Variants in FUT8 observed in about 807,000 individuals in gnomAD.
FUT8 encodes the protein fucosyltransferase 8, also known as alpha-(1,6)-fucosyltransferase.
A neutral mutation model predicts 71.3 loss-of-function variants in FUT8; 29 were observed. The ratio of observed to expected loss-of-function variants is 0.41; its 90% CI spans 0.30 to 0.55. The LOEUF is 0.55. Among genes scored for constraint, FUT8 ranks in the 20% least tolerant of loss-of-function variants. The pLI is 0.34. For missense variants in FUT8, 544 were observed against 702.1 expected, an observed-to-expected ratio of 0.77 and a Z score of 2.55; for synonymous variants, 254 against 239.3, an observed-to-expected ratio of 1.06 and a Z score of -0.57.
intron 7 of FUT8, among the ~76,000 whole-genome samples, chr14:65,688,421 C>A (rs900157167): frequency 7.2e-6 from 1 of 139,678 alleles, no homozygotes; most frequent in South Asian, 2.2e-4. Context: ...CAGCTCATTT[C>A]TTTTTATTGC....
In FUT8 at chr14:65,742,073, C is replaced by A. The variant is rs770727876; in HGVS notation, c.1411-20C>A. On this transcript the variant is annotated intron_variant, in intron 10 of 10. Coordinates refer to ENST00000673929, the MANE Select transcript of FUT8 (RefSeq NM_001371533.1). The stretch of plus-strand genomic sequence containing the variant: ...GAGAGTGTTTATATACTAACAATTT[C>A]TTTTAAATTCTTTCCCAAGGTCTGT... 2 of 1,599,044 alleles carry A rather than the reference C, an allele frequency of 1.3e-6. No homozygotes were observed. The highest frequency in any genetic ancestry group is 3.4e-5 in the Admixed American group (2 of 58,954).
At chr14:65,692,459 A>ACT (rs1893693721) in intron 7 of FUT8, among the ~76,000 whole-genome samples, 2 of 59,232 alleles carry the variant, frequency 3.4e-5, no homozygotes, top group Admixed American at 3.5e-4. Context: ...CGGGGGGCTG[A>ACT]CCCCCCCACC....
At chr14:65,481,998 A>C (rs1032257281) in intron 2 of FUT8, among the ~76,000 whole-genome samples, 2 of 152,224 alleles carry the variant, frequency 1.3e-5, no homozygotes, top group African/African-American at 4.8e-5. Flanking sequence ...TTGTTCTCAT[A>C]TGGATTGTGT....
intron 2 of FUT8, among the ~76,000 whole-genome samples, chr14:65,526,419 A>G (rs183708204): frequency 3.8e-4 from 58 of 152,200 alleles, no homozygotes; most frequent in African/African-American, 1.3e-3. Context: ...TGCTTGGTAG[A>G]TCTTCCTCCA....
intron 7 of FUT8, among the ~76,000 whole-genome samples, chr14:65,710,894 G>C (rs1034187825): frequency 3.3e-5 from 5 of 152,202 alleles, no homozygotes; most frequent in Non-Finnish European, 7.3e-5. Flanking sequence ...ACTCATGGCA[G>C]ATGGTGAAGG....
chr14:65,488,150 G>A (rs1332930891), intron 2 of FUT8, among the ~76,000 whole-genome samples: 1 of 152,112 alleles, frequency 6.6e-6, no homozygotes, highest in Admixed American at 6.6e-5. Flanking sequence ...CTGTTATGTA[G>A]GTGCTCTGTA....
intron 3 of FUT8, among the ~76,000 whole-genome samples, chr14:65,576,478 A>G (rs540862620): frequency 2.1e-4 from 32 of 152,076 alleles, no homozygotes; most frequent in African/African-American, 7.5e-4. Context: ...CCAAATAGTA[A>G]TATTATTCTT....
chr14:65,731,061 A>G (rs1381613585), intron 9 of FUT8, among the ~76,000 whole-genome samples: 1 of 152,250 alleles, frequency 6.6e-6, no homozygotes, highest in African/African-American at 2.4e-5. Flanking sequence ...GAAACAAAGA[A>G]TCAGCAATGA....
At chr14:65,608,483 T>G (rs1297889950) in intron 3 of FUT8, among the ~76,000 whole-genome samples, 2 of 151,998 alleles carry the variant, frequency 1.3e-5, no homozygotes, top group Non-Finnish European at 2.9e-5. Flanking sequence ...TTTTTCATAT[T>G]CTGATTGCAA....
intron 7 of FUT8, among the ~76,000 whole-genome samples, chr14:65,703,864 G>A (rs1361190406): frequency 1.3e-5 from 2 of 152,216 alleles, no homozygotes; most frequent in Non-Finnish European, 2.9e-5. Flanking sequence ...CTTTAGCTAT[G>A]CAATACTAAA....
chr14:65,360,106 C>T, the FUT8 span, among the ~76,000 whole-genome samples: 1 of 152,198 alleles, frequency 6.6e-6, no homozygotes, highest in East Asian at 1.9e-4. Context: ...GCTGGGATTA[C>T]AGGCATGAGC....
chr14:65,421,681 T>G (rs1402241759), intron 1 of FUT8, among the ~76,000 whole-genome samples: 1 of 151,858 alleles, frequency 6.6e-6, no homozygotes, highest in East Asian at 1.9e-4. Flanking sequence ...AAATTCCTCT[T>G]GTGTGATGTC....
chr14:65,675,851 G>A (rs997012878), intron 7 of FUT8, among the ~76,000 whole-genome samples: 1 of 149,934 alleles, frequency 6.7e-6, no homozygotes, highest in East Asian at 1.9e-4. Context: ...AAAAAAATCA[G>A]CCTGGCGTGG....
At chr14:65,633,527 G>A (rs1890334988) in intron 6 of FUT8, among the ~76,000 whole-genome samples, 1 of 150,308 alleles carries the variant, frequency 6.7e-6, no homozygotes, top group Non-Finnish European at 1.5e-5. Flanking sequence ...TCCCATCTAG[G>A]AAGTGAGGAG....
At chr14:65,553,654 C>T (rs547581134) in intron 2 of FUT8, among the ~76,000 whole-genome samples, 1 of 148,974 alleles carries the variant, frequency 6.7e-6, no homozygotes, top group Admixed American at 6.8e-5. Flanking sequence ...CTTTATTTGC[C>T]TTTGTTTTGC....
At chr14:65,707,941 C>T (rs1328632782) in intron 7 of FUT8, among the ~76,000 whole-genome samples, 1 of 152,118 alleles carries the variant, frequency 6.6e-6, no homozygotes, top group East Asian at 1.9e-4. Context: ...ATTGCCTTGA[C>T]TATTTGGGTT....
intron 1 of FUT8, among the ~76,000 whole-genome samples, chr14:65,441,279 A>G (rs2065650979): frequency 6.6e-6 from 1 of 152,188 alleles, no homozygotes; most frequent in Non-Finnish European, 1.5e-5. Context: ...TGAAATACAG[A>G]TGTCAGTTTA....
At chr14:65,441,639 G>A (rs2065657121) in intron 1 of FUT8, among the ~76,000 whole-genome samples, 2 of 150,902 alleles carry the variant, frequency 1.3e-5, no homozygotes, top group South Asian at 4.2e-4. Flanking sequence ...TGTAATCCCA[G>A]CTACTTGGGA....
chr14:65,480,988 C>T (rs1043784113), intron 2 of FUT8, among the ~76,000 whole-genome samples: 1 of 152,128 alleles, frequency 6.6e-6, no homozygotes, highest in Non-Finnish European at 1.5e-5. Flanking sequence ...CGTTTTCAGC[C>T]TCTTTAATTC....
Sources: allele counts gnomAD v4.1 joint callset (sites outside exome capture counted in the v4.1 genomes callset), GRCh38; gene constraint gnomAD v4.1.1; transcripts MANE v1.5; gene names NCBI Gene and HGNC (gene_info 2026-07-23, HGNC 2026-07-21).